PKP4: variants seen among roughly 807,000 people sequenced by gnomAD.
The protein encoded by PKP4 is plakophilin 4.
PKP4 carries 90 observed loss-of-function variants against 145.1 expected under a neutral mutation model. That is an observed-to-expected ratio of 0.62 (90% CI 0.52 to 0.74). The LOEUF is 0.74. PKP4 is among the 30% of genes least tolerant of loss of function. The probability of loss-of-function intolerance (pLI) is 0.00; values close to 1 mark genes in which losing one functional copy is unlikely to be tolerated. For synonymous variants in PKP4, 563 were observed against 577.2 expected, an observed-to-expected ratio of 0.98 and a Z score of 0.35; for missense variants, 1,340 against 1,482.7, an observed-to-expected ratio of 0.90 and a Z score of 1.58.
At chr2:158,612,116 C>G (rs1375133076) in intron 4 of PKP4, among the ~76,000 whole-genome samples, 1 of 146,810 alleles carries the variant, frequency 6.8e-6, no homozygotes, top group South Asian at 2.1e-4. Context: ...TACACAACTG[C>G]ACACACACAC....
intron 1 of PKP4, among the ~76,000 whole-genome samples, chr2:158,465,089 G>T (rs1302048341): frequency 6.6e-6 from 1 of 152,112 alleles, no homozygotes; most frequent in African/African-American, 2.4e-5. Flanking sequence ...TGGGAGTCTC[G>T]GTCTTTAAGG....
At chr2:158,633,955 C>A in intron 8 of PKP4, 115 bp from the exon 9 acceptor site, 1 of 613,676 alleles carries the variant, frequency 1.6e-6, no homozygotes, top group Non-Finnish European at 2.9e-6. Flanking sequence ...TAAAAGTAAG[C>A]GATTTATATA....
chr2:158,476,249 T>C (rs375335964), intron 1 of PKP4, among the ~76,000 whole-genome samples: 2 of 152,348 alleles, frequency 1.3e-5, no homozygotes, highest in South Asian at 2.1e-4. Flanking sequence ...TTCATCCACA[T>C]GTACAGCGAA....
At chr2:158,678,452 C>T in intron 20 of PKP4, 129 bp from the exon 21 acceptor site, 1 of 696,210 alleles carries the variant, frequency 1.4e-6, no homozygotes, top group South Asian at 1.7e-5. Context: ...CCTCTCCCAG[C>T]CCGCATTGGC....
At chr2:158,522,627 G>C (rs554962694) in intron 1 of PKP4, among the ~76,000 whole-genome samples, 1 of 152,304 alleles carries the variant, frequency 6.6e-6, no homozygotes, top group South Asian at 2.1e-4. Context: ...AGGGGGAGGA[G>C]CCAAGATGGC....
intron 15 of PKP4, among the ~76,000 whole-genome samples, chr2:158,663,847 G>A (rs1164589570): frequency 1.3e-5 from 2 of 152,244 alleles, no homozygotes; most frequent in Non-Finnish European, 2.9e-5. Flanking sequence ...CTCTGAAGAT[G>A]AGTGAAAGTA....
rs2056789174 is a variant in PKP4, at chr2:158,663,399, A to C, written c.2531A>C (p.Glu844Ala). ...GAAAGTTCCAACCCAGCCACCTTGG[A>C]AGGCTCTGCAGGGTCTCTCCAGAAC... is the stretch of plus-strand genomic sequence containing the variant. ...LAESSNPATLEGSAGSLQNLS... is the reference protein window; with the variant it reads ...LAESSNPATLAGSAGSLQNLS... The change falls in exon 15 of 22, where the codon GAA becomes GCA. Residue 844 changes from glutamate to alanine, a missense_variant. Glu to Ala is a moderately radical substitution (Grantham distance 107). Coordinates refer to ENST00000389759, the MANE Select transcript of PKP4 (RefSeq NM_003628.6). 3 of 1,614,126 alleles carry C rather than the reference A, an allele frequency of 1.9e-6. No homozygotes were observed. In the East Asian group the frequency reaches 6.7e-5, roughly 36 times the overall value.
intron 1 of PKP4, among the ~76,000 whole-genome samples, chr2:158,474,042 A>G (rs1692041614): frequency 6.6e-6 from 1 of 152,166 alleles, no homozygotes; most frequent in Admixed American, 6.5e-5. Context: ...TTTACTGGGT[A>G]TTTTTTCATT....
chr2:158,565,602 A>T (rs1422051795), intron 2 of PKP4, among the ~76,000 whole-genome samples: 2 of 152,090 alleles, frequency 1.3e-5, no homozygotes, highest in African/African-American at 4.8e-5. Flanking sequence ...AATGTTAGGG[A>T]GAAAGCAGGA....
chr2:158,510,772 CCTATT>C (rs1196627925), intron 1 of PKP4, among the ~76,000 whole-genome samples: 17 of 152,166 alleles, frequency 1.1e-4, no homozygotes, highest in Admixed American at 1.1e-3. Flanking sequence ...TGAGAATAGA[CCTATT>C]CTAAGGCAGC....
At chr2:158,507,206 T>A (rs1292194194) in intron 1 of PKP4, among the ~76,000 whole-genome samples, 1 of 152,210 alleles carries the variant, frequency 6.6e-6, no homozygotes, top group East Asian at 1.9e-4. Flanking sequence ...CATAAATGAC[T>A]GGTATTACAT....
chr2:158,680,820 G>A lies in PKP4; in HGVS notation c.*143G>A. Reference sequence around the variant, plus strand: ...AGTGTGTTTTTTTTTTCTTTTTTGAGGAATTATCAGGGAAGTGAGGAAATG... The same window carrying A: ...AGTGTGTTTTTTTTTTCTTTTTTGAAGAATTATCAGGGAAGTGAGGAAATG... On this transcript the variant is annotated 3_prime_UTR_variant, in exon 22 of 22. Transcript: ENST00000389759. 1 of 736,132 alleles carries A rather than the reference G, an allele frequency of 1.4e-6. No homozygotes were observed. Among genetic ancestry groups the A allele is most frequent in the African/African-American group, 1.8e-5 (1 of 57,006 alleles). 45.6% of individuals were successfully genotyped at this position (736,132 alleles called of 1,614,324 possible).
At chr2:158,586,098 G>C (rs907872490) in intron 3 of PKP4, among the ~76,000 whole-genome samples, 3 of 151,968 alleles carry the variant, frequency 2.0e-5, no homozygotes, top group Non-Finnish European at 2.9e-5. Context: ...GGCATGTATT[G>C]GTACTTCATC....
intron 1 of PKP4, among the ~76,000 whole-genome samples, chr2:158,494,720 A>T (rs1695430068): frequency 1.3e-5 from 2 of 152,182 alleles, no homozygotes; most frequent in South Asian, 4.1e-4. Flanking sequence ...TTTATAACCA[A>T]ATAGAGATTT....
At chr2:158,584,982 C>G (rs1311570774) in intron 3 of PKP4, among the ~76,000 whole-genome samples, 3 of 144,642 alleles carry the variant, frequency 2.1e-5, no homozygotes, top group Non-Finnish European at 2.9e-5. Flanking sequence ...CTGACTAAAA[C>G]AAAGCCCTAA....
chr2:158,631,947 C>T lies in PKP4; in HGVS notation c.1342+6C>T. ...GTTGTATCGCACAGGTTCAGGTGGG[C>T]ATCAACTCTGTTTACTGGTTTCCTG... On this transcript the variant is annotated splice_donor_region_variant and intron_variant, in intron 8 of 21. Transcript: ENST00000389759. 1 of 1,612,466 alleles carries T rather than the reference C, an allele frequency of 6.2e-7. No homozygotes were observed. The highest frequency in any genetic ancestry group is 1.1e-5 in the South Asian group (1 of 91,026).
chr2:158,670,152 A>G (rs1390513487), intron 17 of PKP4, among the ~76,000 whole-genome samples: 1 of 151,958 alleles, frequency 6.6e-6, no homozygotes, highest in Non-Finnish European at 1.5e-5. Context: ...CTACATTGGT[A>G]TTTGTCTCTG....
intron 2 of PKP4, among the ~76,000 whole-genome samples, chr2:158,570,805 A>T (rs1203202581): frequency 6.6e-6 from 1 of 152,216 alleles, no homozygotes; most frequent in Admixed American, 6.5e-5. Flanking sequence ...TGGAATGATA[A>T]AGGAGTCAGT....
In PKP4 at chr2:158,577,384, G is replaced by A; in HGVS notation, c.245+1G>A. The A allele has an allele frequency of 6.3e-7, 1 of 1,594,614 alleles. No homozygotes were observed. Among genetic ancestry groups the A allele is most frequent in the African/African-American group, 1.3e-5 (1 of 74,480 alleles). On this transcript the variant is annotated splice_donor_variant, in intron 3 of 21. Coordinates refer to ENST00000389759, the MANE Select transcript of PKP4 (RefSeq NM_003628.6). LOFTEE classifies it high-confidence loss of function. The stretch of plus-strand genomic sequence containing the variant: ...AATCACCAAGCATCGCCAGCACCAG[G>A]TACAGGGCCAATGGCTCCATCTTTA...
Sources: gnomAD v4.1 joint callset for allele counts (sites outside exome capture counted in the v4.1 genomes callset) on GRCh38, gnomAD v4.1.1 for gene constraint, MANE v1.5 for transcripts, NCBI Gene and HGNC (gene_info 2026-07-23, HGNC 2026-07-21) for gene names.